POU6F2: variants seen among roughly 807,000 people sequenced by gnomAD.
The protein encoded by POU6F2 is POU domain, class 6, transcription factor 2.
Under a neutral mutation model 71.3 loss-of-function variants are expected in POU6F2, and 31 were observed. That is an observed-to-expected ratio of 0.43 (90% confidence interval 0.33 to 0.59). The LOEUF is 0.59. Among genes scored for constraint, POU6F2 ranks in the 20% least tolerant of loss-of-function variants. The probability of loss-of-function intolerance (pLI) is 0.04; values close to 1 mark genes in which losing one functional copy is unlikely to be tolerated. For missense variants in POU6F2, 783 were observed against 856.8 expected, an observed-to-expected ratio of 0.91 and a Z score of 1.07; for synonymous variants, 347 against 355.7, an observed-to-expected ratio of 0.98 and a Z score of 0.27.
intron 4 of POU6F2, among the ~76,000 whole-genome samples, chr7:39,311,437 G>C (rs2128767040): frequency 6.6e-6 from 1 of 152,274 alleles, no homozygotes; most frequent in African/African-American, 2.4e-5. Context: ...TACTTATGAA[G>C]CTCATTATTT....
chr7:38,982,227 G>T (rs923455276), intron 1 of POU6F2, among the ~76,000 whole-genome samples: 35 of 152,194 alleles, frequency 2.3e-4, no homozygotes, highest in African/African-American at 8.2e-4. Context: ...ATTTTTGTGG[G>T]TGTGAATGCC....
At chr7:39,097,797 T>C (rs1047406526) in intron 2 of POU6F2, among the ~76,000 whole-genome samples, 1 of 152,192 alleles carries the variant, frequency 6.6e-6, no homozygotes, top group African/African-American at 2.4e-5. Context: ...GAACAAGACA[T>C]GGGGACCCCA....
At chr7:39,209,786 CA>C (rs1433299181) in intron 4 of POU6F2, among the ~76,000 whole-genome samples, 2 of 152,182 alleles carry the variant, frequency 1.3e-5, no homozygotes, top group Admixed American at 1.3e-4. Flanking sequence ...TAGGCAGAAT[CA>C]ATGGCTTGTG....
At chr7:39,424,924 G>A (rs149878559) in intron 6 of POU6F2, among the ~76,000 whole-genome samples, 23 of 152,068 alleles carry the variant, frequency 1.5e-4, no homozygotes, top group African/African-American at 5.3e-4. Context: ...GAATGGGGCC[G>A]AGGCTGCTAA....
At chr7:39,086,730 G>C (rs969506458) in intron 2 of POU6F2, among the ~76,000 whole-genome samples, 1 of 152,078 alleles carries the variant, frequency 6.6e-6, no homozygotes, top group Non-Finnish European at 1.5e-5. Flanking sequence ...AACAAGCAGA[G>C]TGCCACTCCA....
At chr7:39,384,847 G>A (rs1196541822) in intron 5 of POU6F2, among the ~76,000 whole-genome samples, 1 of 152,152 alleles carries the variant, frequency 6.6e-6, no homozygotes, top group Non-Finnish European at 1.5e-5. Context: ...CACACAGAAT[G>A]GAAGCAAAAT....
chr7:39,113,010 A>C (rs535382881), intron 2 of POU6F2, among the ~76,000 whole-genome samples: 1 of 152,302 alleles, frequency 6.6e-6, no homozygotes, highest in Non-Finnish European at 1.5e-5. Flanking sequence ...AACTCACACG[A>C]ATATCTTGAT....
At chr7:39,177,974 A>G (rs768796758) in intron 2 of POU6F2, among the ~76,000 whole-genome samples, 8 of 152,170 alleles carry the variant, frequency 5.3e-5, no homozygotes, top group Non-Finnish European at 2.9e-5. Context: ...AACTTTCTTC[A>G]GCCAGGCGTG....
rs965039852 is a variant in POU6F2, at chr7:39,130,792, CA to C, written c.277+44762del. 8.2e-4 allele frequency among the ~76,000 whole-genome samples: 125 copies of C among 152,238 alleles called. 1 individual carries two copies. The highest frequency in any genetic ancestry group is 2.7e-3 in the African/African-American group (113 of 41,536). On this transcript the variant is annotated intron_variant, in intron 2 of 9. Transcript: ENST00000518318. Reference sequence around the variant, plus strand: ...CTAAGTAGAGTCTGGGTGGAATTGTCAGTCACCCCAAATGAACAAGTGGTAT... The same window carrying C: ...CTAAGTAGAGTCTGGGTGGAATTGTCGTCACCCCAAATGAACAAGTGGTAT...
chr7:39,248,928 A>C (rs944879598), intron 4 of POU6F2, among the ~76,000 whole-genome samples: 2 of 152,184 alleles, frequency 1.3e-5, no homozygotes, highest in Non-Finnish European at 2.9e-5. Flanking sequence ...ACATTAACAC[A>C]GAAGCATGCT....
At chr7:39,183,372 G>T (rs1793472492) in intron 2 of POU6F2, among the ~76,000 whole-genome samples, 1 of 152,164 alleles carries the variant, frequency 6.6e-6, no homozygotes, top group African/African-American at 2.4e-5. Context: ...GGCTGCGGAG[G>T]CCTCAGGAAA....
chr7:39,090,706 TTC>T (rs1180841630), intron 2 of POU6F2, among the ~76,000 whole-genome samples: 6 of 152,188 alleles, frequency 3.9e-5, no homozygotes, highest in Admixed American at 3.9e-4. Flanking sequence ...TTTTAAAAGT[TTC>T]TATATCAATT....
intron 8 of POU6F2, 21 bp downstream of exon 8, chr7:39,451,722 G>T (rs753080690): frequency 3.2e-6 from 5 of 1,555,842 alleles, no homozygotes; most frequent in East Asian, 2.4e-5. Context: ...TTTCTGGCTC[G>T]GTTTAAATCG....
intron 4 of POU6F2, among the ~76,000 whole-genome samples, chr7:39,255,626 A>G (rs1784005789): frequency 6.6e-6 from 1 of 152,216 alleles, no homozygotes; most frequent in Non-Finnish European, 1.5e-5. Context: ...GTTATTTAAA[A>G]ATTAAGTGAG....
At chr7:39,413,886 G>A (rs1420095269) in intron 6 of POU6F2, among the ~76,000 whole-genome samples, 1 of 152,206 alleles carries the variant, frequency 6.6e-6, no homozygotes, top group African/African-American at 2.4e-5. Context: ...AGGAGAAACA[G>A]TTGCATTAAT....
chr7:39,294,460 A>G (rs149743054), intron 4 of POU6F2, among the ~76,000 whole-genome samples: 1 of 151,662 alleles, frequency 6.6e-6, no homozygotes, highest in Non-Finnish European at 1.5e-5. Context: ...TTGGATAAGC[A>G]AAACAAAAAC....
intron 1 of POU6F2, among the ~76,000 whole-genome samples, chr7:39,022,133 C>A (rs1789690938): frequency 6.6e-6 from 1 of 150,646 alleles, no homozygotes; most frequent in African/African-American, 2.5e-5. Context: ...TAATGCTTTC[C>A]TTCTTCTTCT....
chr7:38,988,444 G>A (rs1788514149), intron 1 of POU6F2, among the ~76,000 whole-genome samples: 1 of 152,050 alleles, frequency 6.6e-6, no homozygotes, highest in South Asian at 2.1e-4. Flanking sequence ...AACAGCAGAA[G>A]AGGAATGGAG....
intron 4 of POU6F2, among the ~76,000 whole-genome samples, chr7:39,247,193 G>A (rs1176361504): frequency 6.6e-6 from 1 of 152,152 alleles, no homozygotes; most frequent in Non-Finnish European, 1.5e-5. Flanking sequence ...TGGAGGCCAA[G>A]CATGGTGTAT....
Sources: allele counts gnomAD v4.1 joint callset (sites outside exome capture counted in the v4.1 genomes callset), GRCh38; gene constraint gnomAD v4.1.1; transcripts MANE v1.5; gene names NCBI Gene and HGNC (gene_info 2026-07-23, HGNC 2026-07-21).